The following CDC20B variants were observed in gnomAD, a reference collection of about 807,000 sequenced individuals.
CDC20B encodes cell division cycle protein 20 homolog B.
In CDC20B, 58 loss-of-function variants were observed where a neutral mutation model predicts 64.1. The observed-to-expected ratio is 0.90, with a 90% confidence interval of 0.73 to 1.13. CDC20B has a LOEUF of 1.13. Among genes scored for constraint, CDC20B ranks in the 50% most tolerant of loss-of-function variants. The probability of loss-of-function intolerance (pLI) is 0.00; values close to 1 mark genes in which losing one functional copy is unlikely to be tolerated. For synonymous variants in CDC20B, 243 were observed against 230.6 expected (o/e 1.05, Z -0.49); for missense variants, 597 against 633.0 (o/e 0.94, Z 0.61).
chr5:55,147,481 A>G (rs1185238656), intron 2 of CDC20B, among the ~76,000 whole-genome samples: 1 of 147,104 alleles, frequency 6.8e-6, no homozygotes, highest in Non-Finnish European at 1.5e-5. Context: ...TTTATAAAAC[A>G]TGTTATTTTA....
chr5:55,170,293 A>G (rs1317116693), intron 2 of CDC20B, among the ~76,000 whole-genome samples: 1 of 152,180 alleles, frequency 6.6e-6, no homozygotes, highest in African/African-American at 2.4e-5. Context: ...AAAGACTCCA[A>G]AAATATTTCT....
intron 5 of CDC20B, among the ~76,000 whole-genome samples, chr5:55,133,865 AC>A (rs1743089958): frequency 6.6e-6 from 1 of 152,300 alleles, no homozygotes; most frequent in East Asian, 1.9e-4. Flanking sequence ...GGATTTTAAA[AC>A]CAAAGTGAAT....
rs150302909 is a variant in CDC20B at position 55,155,508 on chromosome 5, C to T, written c.127-8652G>A. 3.4e-3 allele frequency among the ~76,000 whole-genome samples: 515 copies of T among 152,244 alleles called. 2 individuals carry two copies. Among genetic ancestry groups the T allele is most frequent in the African/African-American group, 0.012 (498 of 41,544 alleles). On this transcript the variant is annotated intron_variant, in intron 2 of 11. Transcript: ENST00000381375. ...CTGAGTGTGTGCCGCTCCCACCCAC[C>T]ACCAGCCCAATGCAGCAGCATTCTG... is the stretch of plus-strand genomic sequence containing the variant.
At chr5:55,160,101 C>T (rs960992736) in intron 2 of CDC20B, 1 of 898,996 alleles carries the variant, frequency 1.1e-6, no homozygotes, top group African/African-American at 1.6e-5. Flanking sequence ...TCAGCCTGTC[C>T]TTCCTGGTTT....
intron 2 of CDC20B, among the ~76,000 whole-genome samples, chr5:55,163,796 G>A (rs983146949): frequency 5.3e-5 from 8 of 149,564 alleles, no homozygotes; most frequent in South Asian, 2.2e-4. Context: ...ACTGAGCCAC[G>A]GCTCCCAGCC....
chr5:55,165,251 A>C (rs966827214), intron 2 of CDC20B: 3 of 151,922 alleles, frequency 2.0e-5, no homozygotes, highest in Non-Finnish European at 2.9e-5. Context: ...TCTTAGAGTC[A>C]CAAGGCATTT....
intron 11 of CDC20B, among the ~76,000 whole-genome samples, chr5:55,118,589 G>A (rs1742676010): frequency 6.6e-6 from 1 of 152,152 alleles, no homozygotes; most frequent in South Asian, 2.1e-4. Flanking sequence ...AAACAACCAG[G>A]TTTTAAGGCT....
At chr5:55,137,270 C>G (rs764970678) in intron 5 of CDC20B, 2 of 259,294 alleles carry the variant, frequency 7.7e-6, no homozygotes, top group Non-Finnish European at 1.6e-5. Flanking sequence ...ATTATCTCCC[C>G]ACTGCATGGC....
chr5:55,130,946 A>AC (rs1445432300), intron 6 of CDC20B, among the ~76,000 whole-genome samples: 1 of 151,830 alleles, frequency 6.6e-6, no homozygotes, highest in African/African-American at 2.4e-5. Context: ...GTAAAGTAAG[A>AC]CCCCATCTCT....
At chr5:55,161,121 T>A in intron 2 of CDC20B, 2 of 1,614,200 alleles carry the variant, frequency 1.2e-6, no homozygotes, top group Non-Finnish European at 1.7e-6. Context: ...TGCAATCAGT[T>A]TGGAGAATCG....
At chr5:55,136,777 G>A (rs1393163) in intron 5 of CDC20B, 1 of 152,050 alleles carries the variant, frequency 6.6e-6, no homozygotes, top group African/African-American at 2.4e-5. Flanking sequence ...TTCTCACACA[G>A]AATTCTGGCT....
Position 55,164,239 on chromosome 5 carries a change from T to C in CDC20B, c.126+8349A>G, listed in dbSNP as rs200917900. The C allele has an allele frequency of 3.4e-5, 51 of 1,500,036 alleles. No homozygotes were observed. The Admixed American group carries it at 5.8e-4, about 17-fold the overall frequency. The allele number at this position is 1,500,036 out of a possible 1,614,324, so 92.9% of individuals were successfully genotyped here. A position where few individuals can be genotyped will look rare whatever the true frequency, so the allele number is the denominator to read the frequency against. On this transcript the variant is annotated intron_variant, in intron 2 of 11. Transcript: ENST00000381375. Reference sequence around the variant, plus strand: ...TATGAGAATGCCATTGCGTTTCTAATAGAACAGAGAAATGTCTCCATGAGG... The same window carrying C: ...TATGAGAATGCCATTGCGTTTCTAACAGAACAGAGAAATGTCTCCATGAGG...
At chr5:55,128,789 A>G (rs916662943) in intron 6 of CDC20B, among the ~76,000 whole-genome samples, 172 bp from the exon 7 acceptor site, 3 of 152,220 alleles carry the variant, frequency 2.0e-5, no homozygotes, top group African/African-American at 7.2e-5. Context: ...AAAGTGGAAT[A>G]GAATCTAGTG....
At chr5:55,128,692 G>A (rs1191560975) in intron 6 of CDC20B, 75 bp from the exon 7 acceptor site, 4 of 1,111,848 alleles carry the variant, frequency 3.6e-6, no homozygotes, top group Non-Finnish European at 5.0e-6. Context: ...AACTTTATAG[G>A]TAGGGGGAAA....
At chr5:55,121,192 T>C (rs1054483336) in intron 9 of CDC20B, among the ~76,000 whole-genome samples, 2 of 152,220 alleles carry the variant, frequency 1.3e-5, no homozygotes, top group African/African-American at 4.8e-5. Context: ...GTTATATGTA[T>C]CTGTGTATCC....
At position 55,113,525 on chromosome 5, in the gene CDC20B, A is replaced by G. The variant is rs1742554390; in HGVS notation, c.*693T>C. ...TGGAGTCAAGAGGATCAGTTCTAAG[A>G]CAATTACAGCAGACTGGCTGTCAGG... On this transcript the variant is annotated 3_prime_UTR_variant, in exon 12 of 12. Transcript: ENST00000381375. 6.5e-6 allele frequency: 1 copy of G among 152,774 alleles called. No homozygotes were observed. The highest frequency in any genetic ancestry group is 2.1e-4 in the South Asian group (1 of 4,834). 9.5% of individuals were successfully genotyped at this position (152,774 alleles called of 1,614,324 possible). A position where few individuals can be genotyped will look rare whatever the true frequency, so the allele number is the denominator to read the frequency against.
chr5:55,133,390 C>T, intron 6 of CDC20B, 22 bp downstream of exon 6: 2 of 1,250,206 alleles, frequency 1.6e-6, no homozygotes, highest in Non-Finnish European at 1.1e-6. Flanking sequence ...ACTTTTAATT[C>T]CCAATCTAAA....
chr5:55,160,944 T>C, intron 2 of CDC20B: 3 of 1,568,452 alleles, frequency 1.9e-6, no homozygotes, highest in Non-Finnish European at 2.6e-6. Flanking sequence ...CAGAATTTTT[T>C]AAAATCTTTT....
At position 55,125,011 on chromosome 5, in the gene CDC20B, C is replaced by T. The variant is rs752426834; in HGVS notation, c.1007G>A (p.Arg336His). Residue 336 changes from arginine to histidine, a missense_variant, in exon 9 of 12, where the codon CGT (arginine) becomes CAT (histidine). Arg to His is a conservative substitution (Grantham distance 29). Transcript: ENST00000381375. ...TACCCGAACATCGTGATGATAAACA[C>T]GCCCCAGTCTTGACCCACTGCGAGT... ...FILSSGSRLGRVYHHDVRVAQ... is the reference protein window; with the variant it reads ...FILSSGSRLGHVYHHDVRVAQ... 6.8e-6 allele frequency: 11 copies of T among 1,613,526 alleles called. No homozygotes were observed. Among genetic ancestry groups the T allele is most frequent in the Middle Eastern group, 1.6e-4 (1 of 6,082 alleles).
Sources: gnomAD v4.1 joint callset for allele counts (sites outside exome capture counted in the v4.1 genomes callset) on GRCh38, gnomAD v4.1.1 for gene constraint, MANE v1.5 for transcripts, NCBI Gene and HGNC (gene_info 2026-07-23, HGNC 2026-07-21) for gene names.